Variants in HOPX observed in about 807,000 individuals in gnomAD.
HOPX encodes the protein HOP homeobox.
A neutral mutation model predicts 11.8 loss-of-function variants in HOPX; 5 were observed. The observed-to-expected ratio is 0.43, with a 90% CI of 0.22 to 0.89. The LOEUF (loss-of-function observed/expected upper bound fraction) is 0.89. Ranked by LOEUF, HOPX falls within the 40% of genes least tolerant of loss-of-function variation. The pLI is 0.28. For missense variants in HOPX, 119 were observed against 120.0 expected (o/e 0.99, Z 0.04); for synonymous variants, 49 against 49.7 (o/e 0.99, Z 0.06).
chr4:56,666,648 G>A (rs1718456412), intron 1 of HOPX, among the ~76,000 whole-genome samples: 1 of 152,222 alleles, frequency 6.6e-6, no homozygotes, highest in Non-Finnish European at 1.5e-5. Flanking sequence ...TTCTTTGAAT[G>A]TGCTATGAAA....
chr4:56,681,280 G>A lies in HOPX; in HGVS notation c.-109C>T, dbSNP rs560898927. 3.4e-4 allele frequency: 339 copies of A among 985,296 alleles called. 1 individual carries two copies. The highest frequency in any genetic ancestry group is 4.0e-4 in the Non-Finnish European group (329 of 829,950). 61.0% of individuals were successfully genotyped at this position (985,296 alleles called of 1,614,324 possible). A position where few individuals can be genotyped will look rare whatever the true frequency, so the allele number is the denominator to read the frequency against. On this transcript the variant is annotated 5_prime_UTR_variant, in exon 1 of 4. Coordinates refer to ENST00000420433, the MANE Select transcript of HOPX (RefSeq NM_032495.6). Reference sequence around the variant, plus strand: ...GTGGAAGAGGCAAAGGCAAGCGCAAGCCCTGGGTTTGGAAGCTGTGTTTGC... The same window carrying A: ...GTGGAAGAGGCAAAGGCAAGCGCAAACCCTGGGTTTGGAAGCTGTGTTTGC...
chr4:56,653,416 G>A (rs1717397974), intron 3 of HOPX, among the ~76,000 whole-genome samples: 1 of 152,134 alleles, frequency 6.6e-6, no homozygotes, highest in South Asian at 2.1e-4. Flanking sequence ...TTGAGAAGAT[G>A]AAAGAAGAAA....
intron 1 of HOPX, among the ~76,000 whole-genome samples, chr4:56,667,362 C>T (rs996440978): frequency 2.0e-5 from 3 of 152,176 alleles, no homozygotes; most frequent in Non-Finnish European, 4.4e-5. Context: ...AATCTAGCCT[C>T]TTCTCTATTA....
At chr4:56,650,931 G>C in intron 3 of HOPX, 1 of 988,048 alleles carries the variant, frequency 1.0e-6, no homozygotes, top group African/African-American at 1.7e-5. Flanking sequence ...TCTGGATTCT[G>C]GTATGAGAGC....
chr4:56,656,343 C>A, intron 2 of HOPX: 1 of 1,052,062 alleles, frequency 9.5e-7, no homozygotes, highest in Non-Finnish European at 1.1e-6. Flanking sequence ...CCCTCACCGA[C>A]CTCCGGCTCT....
intron 1 of HOPX, among the ~76,000 whole-genome samples, chr4:56,671,582 G>A (rs920318586): frequency 6.6e-6 from 1 of 152,022 alleles, no homozygotes; most frequent in African/African-American, 2.4e-5. Flanking sequence ...ATGCTACTCA[G>A]TGATATGGAC....
chr4:56,649,729 G>GTA (rs909141784), intron 3 of HOPX: 1 of 152,280 alleles, frequency 6.6e-6, no homozygotes, highest in Non-Finnish European at 1.5e-5. Flanking sequence ...AGGCAGTGTG[G>GTA]TATACCCTTG....
intron 1 of HOPX, among the ~76,000 whole-genome samples, chr4:56,666,196 C>T (rs1454192194): frequency 6.6e-6 from 1 of 152,196 alleles, no homozygotes; most frequent in Admixed American, 6.5e-5. Context: ...CGCTCTTCTT[C>T]AATTGATGCA....
intron 1 of HOPX, chr4:56,664,645 G>C (rs994937240): frequency 6.6e-6 from 1 of 152,054 alleles, no homozygotes; most frequent in African/African-American, 2.4e-5. Context: ...TCCCTACATG[G>C]CACTTCTCAA....
chr4:56,676,976 C>T (rs180784413), intron 1 of HOPX, among the ~76,000 whole-genome samples: 1 of 151,902 alleles, frequency 6.6e-6, no homozygotes. Context: ...GGGGGCTGCC[C>T]CAGCTGCACA....
intron 2 of HOPX, 86 bp from the exon 3 acceptor site, chr4:56,656,098 G>A: frequency 1.5e-6 from 2 of 1,348,008 alleles, no homozygotes; most frequent in South Asian, 1.7e-5. Context: ...GCGCCGCCGG[G>A]CAGCCCCAGC....
chr4:56,656,063 G>C lies in HOPX; in HGVS notation c.43-51C>G, dbSNP rs940345925. 1.2e-5 allele frequency: 18 copies of C among 1,459,750 alleles called. No individual in the cohort carries two copies. The East Asian group carries it at 3.8e-4, about 31-fold the overall frequency. The allele number at this position is 1,459,750 out of a possible 1,614,324, so 90.4% of individuals were successfully genotyped here. ...GGTGAGCGAGGCGTGGAGCGGGCGGGACGCAGCGAAGGAAGGCGGTCGCGG... is the reference window on the plus strand; with the variant it reads ...GGTGAGCGAGGCGTGGAGCGGGCGGCACGCAGCGAAGGAAGGCGGTCGCGG... On this transcript the variant is annotated intron_variant, in intron 2 of 3. Transcript: ENST00000420433.
At chr4:56,670,375 A>G (rs1009685441) in intron 1 of HOPX, among the ~76,000 whole-genome samples, 1 of 152,212 alleles carries the variant, frequency 6.6e-6, no homozygotes, top group African/African-American at 2.4e-5. Flanking sequence ...AAATGTCTCA[A>G]TATTTTCTAA....
intron 1 of HOPX, among the ~76,000 whole-genome samples, chr4:56,667,847 T>A (rs1404458676): frequency 6.6e-6 from 1 of 152,208 alleles, no homozygotes; most frequent in East Asian, 1.9e-4. Flanking sequence ...GTGAGAAATT[T>A]AACATTTTAT....
intron 1 of HOPX, among the ~76,000 whole-genome samples, chr4:56,660,159 C>T (rs938347931): frequency 6.6e-6 from 1 of 152,194 alleles, no homozygotes; most frequent in Non-Finnish European, 1.5e-5. Flanking sequence ...CCAAAAGTCA[C>T]AATGGAAAAG....
intron 1 of HOPX, among the ~76,000 whole-genome samples, chr4:56,673,005 T>G (rs1345064627): frequency 6.6e-6 from 1 of 152,178 alleles, no homozygotes; most frequent in African/African-American, 2.4e-5. Context: ...CAGTTCAATA[T>G]TCCATGCTGT....
intron 2 of HOPX, chr4:56,656,415 G>A: frequency 8.1e-6 from 8 of 991,520 alleles, no homozygotes; most frequent in Non-Finnish European, 9.6e-6. Flanking sequence ...ACTTCCTCCC[G>A]AAAGGGGGAC....
At position 56,649,677 on chromosome 4, in the gene HOPX, A is replaced by G. The variant is rs1012870470; in HGVS notation, c.199-880T>C. The G allele has an allele frequency of 2.6e-5, 4 of 152,258 alleles. No individual in the cohort carries two copies. The South Asian group carries it at 8.3e-4, about 32-fold the overall frequency. 9.4% of individuals were successfully genotyped at this position (152,258 alleles called of 1,614,324 possible). A position where few individuals can be genotyped will look rare whatever the true frequency, so the allele number is the denominator to read the frequency against. On this transcript the variant is annotated intron_variant, in intron 3 of 3. Transcript: ENST00000420433. ...AAGGCCCCAGATGGGATGTTTCTAG[A>G]CACGGTATCATATGAGGCCTAGAAC...
chr4:56,666,119 T>A (rs1161993537), intron 1 of HOPX, among the ~76,000 whole-genome samples: 9 of 152,168 alleles, frequency 5.9e-5, no homozygotes, highest in Non-Finnish European at 1.0e-4. Flanking sequence ...CCTAGCTCAA[T>A]GGATTAGCCA....
Sources: allele counts gnomAD v4.1 joint callset (sites outside exome capture counted in the v4.1 genomes callset), GRCh38; gene constraint gnomAD v4.1.1; transcripts MANE v1.5; gene names NCBI Gene and HGNC (gene_info 2026-07-23, HGNC 2026-07-21).